Variants in TENM1 observed in about 807,000 individuals in gnomAD.
TENM1 encodes the protein teneurin transmembrane protein 1.
TENM1 carries 35 observed loss-of-function variants against 174.8 expected under a neutral mutation model. That is an observed-to-expected ratio of 0.20 (90% CI 0.15 to 0.27). TENM1 has a LOEUF of 0.27. Among genes scored for constraint, TENM1 ranks in the 10% least tolerant of loss-of-function variants. TENM1 has a pLI of 1.00. For synonymous variants in TENM1, 781 were observed against 798.7 expected (o/e 0.98, Z 0.37); for missense variants, 1,633 against 2,130.1 (o/e 0.77, Z 4.59).
At chrX:124,471,154 TTA>T (rs1219791358) in intron 22 of TENM1, among the ~76,000 whole-genome samples, 6 of 80,656 alleles carry the variant, frequency 7.4e-5, no homozygotes, top group Non-Finnish European at 1.1e-4. Flanking sequence ...ATAATATATA[TTA>T]TGTCATATAT....
chrX:125,165,437 C>A, the TENM1 span, among the ~76,000 whole-genome samples: 1 of 111,628 alleles, frequency 9.0e-6, no homozygotes, highest in Non-Finnish European at 1.9e-5. Context: ...TACTACACTG[C>A]ATGAAATAAA....
chrX:124,976,039 C>T, the TENM1 span, among the ~76,000 whole-genome samples: 6 of 111,059 alleles, frequency 5.4e-5, no homozygotes, highest in African/African-American at 1.6e-4. Context: ...TTAAAAAATA[C>T]AAGTACCAGA....
intron 10 of TENM1, among the ~76,000 whole-genome samples, chrX:124,643,376 GAA>G: frequency 9.1e-6 from 1 of 110,357 alleles, no homozygotes; most frequent in Middle Eastern, 4.7e-3. Flanking sequence ...CCATATGGAA[GAA>G]AAAAAGGGTG....
At chrX:124,812,191 A>G (rs1344863150) in intron 3 of TENM1, among the ~76,000 whole-genome samples, 2 of 111,194 alleles carry the variant, frequency 1.8e-5, no homozygotes, top group African/African-American at 6.5e-5. Context: ...GGGGTAATGC[A>G]TATGTTAACT....
At chrX:125,086,201 A>G in the TENM1 span, among the ~76,000 whole-genome samples, 2 of 111,001 alleles carry the variant, frequency 1.8e-5, no homozygotes, top group African/African-American at 3.2e-5. Context: ...TTAAAATTTT[A>G]CCACACTAGT....
At chrX:124,400,545 C>G (rs755929300) in intron 27 of TENM1, among the ~76,000 whole-genome samples, 31 of 112,325 alleles carry the variant, frequency 2.8e-4, no homozygotes, top group Admixed American at 1.0e-3. Flanking sequence ...AATAATCCTA[C>G]CTGATTTTAT....
chrX:125,194,352 C>G, the TENM1 span, among the ~76,000 whole-genome samples: 1 of 111,280 alleles, frequency 9.0e-6, no homozygotes, highest in Admixed American at 9.6e-5. Flanking sequence ...GTCCACTCCT[C>G]TCCATGTTAC....
At chrX:125,046,913 C>T in the TENM1 span, among the ~76,000 whole-genome samples, 3 of 107,053 alleles carry the variant, frequency 2.8e-5, no homozygotes, top group Admixed American at 3.1e-4. Context: ...AAGGAGAATA[C>T]ATTTAAATAA....
At chrX:124,725,708 A>G (rs1331531068) in intron 4 of TENM1, among the ~76,000 whole-genome samples, 1 of 112,539 alleles carries the variant, frequency 8.9e-6, no homozygotes, top group Non-Finnish European at 1.9e-5. Context: ...ATTCTTCTAA[A>G]GGGAGATGCT....
At chrX:124,581,483 A>G (rs1351737120) in intron 11 of TENM1, among the ~76,000 whole-genome samples, 2 of 112,193 alleles carry the variant, frequency 1.8e-5, no homozygotes, top group African/African-American at 6.5e-5. Flanking sequence ...TACTGTGAGT[A>G]GTGCTGTGAT....
chrX:124,533,789 T>TA (rs1353462835), intron 15 of TENM1, among the ~76,000 whole-genome samples: 5 of 112,208 alleles, frequency 4.5e-5, no homozygotes. Context: ...GTGCCCAGCA[T>TA]AACTGTCGTT....
intron 18 of TENM1, among the ~76,000 whole-genome samples, chrX:124,513,311 C>A (rs917905954): frequency 5.4e-5 from 6 of 111,376 alleles, no homozygotes; most frequent in Non-Finnish European, 3.8e-5. Flanking sequence ...TGCCTTTCTT[C>A]CATAGTTATA....
At chrX:125,009,711 T>C in the TENM1 span, among the ~76,000 whole-genome samples, 2 of 112,154 alleles carry the variant, frequency 1.8e-5, no homozygotes, top group Non-Finnish European at 3.8e-5. Flanking sequence ...ATCCCTGGGT[T>C]GCAAGGCTGG....
chrX:125,044,212 T>G, the TENM1 span, among the ~76,000 whole-genome samples: 1 of 74,856 alleles, frequency 1.3e-5, no homozygotes, highest in African/African-American at 5.8e-5. Flanking sequence ...TAAAAAAAAA[T>G]AAAAAAAAAA....
chrX:124,878,500 G>A (rs1193843403), intron 3 of TENM1, among the ~76,000 whole-genome samples: 1 of 109,322 alleles, frequency 9.1e-6, no homozygotes, highest in Non-Finnish European at 1.9e-5. Flanking sequence ...GTGCCCTCCC[G>A]GTGGTCATGA....
At chrX:124,821,434 A>G (rs761153437) in intron 3 of TENM1, among the ~76,000 whole-genome samples, 1 of 112,304 alleles carries the variant, frequency 8.9e-6, no homozygotes, top group South Asian at 3.7e-4. Flanking sequence ...AATACACATC[A>G]TGAAAGCTAT....
At chrX:124,460,985 C>T (rs937790469) in intron 22 of TENM1, among the ~76,000 whole-genome samples, 15 of 111,658 alleles carry the variant, frequency 1.3e-4, no homozygotes, top group African/African-American at 2.6e-4. Flanking sequence ...ATCTCTGACC[C>T]GTCCCAAAAA....
Position 124,645,343 on chromosome X carries a change from G to C in TENM1, c.1682-6C>G. On this transcript the variant is annotated splice_polypyrimidine_tract_variant and splice_region_variant and intron_variant, in intron 9 of 31. Coordinates refer to ENST00000422452, the Ensembl canonical transcript of TENM1. ...ACACAGCACAGGGCAGGAATCTGAA[G>C]GTTGGCAAATGAACTTGTAATGTTC... The C allele has an allele frequency of 8.3e-7, 1 of 1,201,648 alleles. No homozygotes were observed. Among genetic ancestry groups the C allele is most frequent in the Non-Finnish European group, 1.1e-6 (1 of 888,899 alleles).
chrX:125,070,249 T>C, the TENM1 span, among the ~76,000 whole-genome samples: 1 of 110,794 alleles, frequency 9.0e-6, no homozygotes, highest in African/African-American at 3.3e-5. Context: ...GGTATTTCAC[T>C]GTGTTTTTGA....
Sources: gnomAD v4.1 joint callset for allele counts (sites outside exome capture counted in the v4.1 genomes callset) on GRCh38, gnomAD v4.1.1 for gene constraint, MANE v1.5 for transcripts, NCBI Gene and HGNC (gene_info 2026-07-23, HGNC 2026-07-21) for gene names.